Variants in SNTB1 observed in about 807,000 individuals in gnomAD.
SNTB1 encodes syntrophin beta 1.
A neutral mutation model predicts 48.9 loss-of-function variants in SNTB1; 36 were observed. The observed-to-expected ratio is 0.74, with a 90% confidence interval of 0.56 to 0.97. The LOEUF (loss-of-function observed/expected upper bound fraction) is 0.97, where lower values mean the gene tolerates loss of function less well. Among genes scored for constraint, SNTB1 ranks in the 50% least tolerant of loss-of-function variants. SNTB1 has a pLI of 0.00. For synonymous variants in SNTB1, 299 were observed against 294.6 expected (o/e 1.01, Z -0.15); for missense variants, 786 against 703.4 (o/e 1.12, Z -1.33).
intron 1 of SNTB1, among the ~76,000 whole-genome samples, chr8:120,763,341 T>C (rs1266580402): frequency 6.6e-6 from 1 of 152,144 alleles, no homozygotes; most frequent in Non-Finnish European, 1.5e-5. Context: ...TGAAGAAAAC[T>C]ACAACAAGGG....
At chr8:120,678,093 A>G (rs1265536035) in intron 2 of SNTB1, among the ~76,000 whole-genome samples, 1 of 152,200 alleles carries the variant, frequency 6.6e-6, no homozygotes, top group East Asian at 1.9e-4. Context: ...TGAAAAAAAC[A>G]CCACATTATA....
At chr8:120,550,398 C>T (rs1424977788) in intron 4 of SNTB1, among the ~76,000 whole-genome samples, 1 of 152,012 alleles carries the variant, frequency 6.6e-6, no homozygotes, top group Non-Finnish European at 1.5e-5. Context: ...AAAAATTAGC[C>T]TGGCATGGTG....
chr8:120,690,892 C>A (rs1042127138), intron 2 of SNTB1, among the ~76,000 whole-genome samples: 1 of 152,186 alleles, frequency 6.6e-6, no homozygotes, highest in Admixed American at 6.5e-5. Flanking sequence ...CAGTTTGGGA[C>A]CTGTCTGGAC....
intron 3 of SNTB1, among the ~76,000 whole-genome samples, chr8:120,591,449 G>A (rs1167258818): frequency 6.6e-6 from 1 of 152,094 alleles, no homozygotes; most frequent in East Asian, 1.9e-4. Flanking sequence ...ATTTGTCAGA[G>A]ATGCATAGCG....
chr8:120,627,309 G>A (rs1395544488), intron 3 of SNTB1, among the ~76,000 whole-genome samples: 3 of 152,136 alleles, frequency 2.0e-5, no homozygotes, highest in African/African-American at 7.2e-5. Flanking sequence ...AATGATAACT[G>A]AAATTCATGG....
chr8:120,592,097 A>T (rs1248446327), intron 3 of SNTB1, among the ~76,000 whole-genome samples: 1 of 152,240 alleles, frequency 6.6e-6, no homozygotes, highest in Non-Finnish European at 1.5e-5. Context: ...ATTTCATTTT[A>T]TTAAAAAGTA....
chr8:120,765,573 T>C (rs1158382897), intron 1 of SNTB1, among the ~76,000 whole-genome samples: 1 of 152,092 alleles, frequency 6.6e-6, no homozygotes, highest in Non-Finnish European at 1.5e-5. Flanking sequence ...CATCATCCTA[T>C]GGTGGGAGGC....
At chr8:120,705,166 A>G (rs1221648525) in intron 1 of SNTB1, among the ~76,000 whole-genome samples, 1 of 152,222 alleles carries the variant, frequency 6.6e-6, no homozygotes, top group African/African-American at 2.4e-5. Flanking sequence ...TTAGCACAAA[A>G]GAGTGACGTG....
intron 1 of SNTB1, among the ~76,000 whole-genome samples, chr8:120,735,735 T>C (rs28394482): frequency 0.31 from 47,218 of 151,964 alleles, 8,925 homozygotes; most frequent in East Asian, 0.69. Flanking sequence ...GGCCAAGCCA[T>C]ACAGACTGTG....
intron 3 of SNTB1, among the ~76,000 whole-genome samples, chr8:120,589,204 T>C (rs1053409116): frequency 6.6e-6 from 1 of 152,212 alleles, no homozygotes; most frequent in African/African-American, 2.4e-5. Context: ...TACTGGATTA[T>C]AGCCCTTTAT....
chr8:120,619,835 C>T (rs151155387), intron 3 of SNTB1, among the ~76,000 whole-genome samples: 1 of 152,284 alleles, frequency 6.6e-6, no homozygotes, highest in Non-Finnish European at 1.5e-5. Context: ...CAGCATGGCT[C>T]TGCTGTCCTA....
chr8:120,581,381 A>T (rs1816046817), intron 3 of SNTB1, among the ~76,000 whole-genome samples: 5 of 152,082 alleles, frequency 3.3e-5, no homozygotes, highest in Admixed American at 3.3e-4. Context: ...AGGTGGGCAG[A>T]TCCCCTGTGG....
At chr8:120,543,635 G>C (rs879338697) in intron 5 of SNTB1, among the ~76,000 whole-genome samples, 1 of 152,102 alleles carries the variant, frequency 6.6e-6, no homozygotes, top group Non-Finnish European at 1.5e-5. Context: ...GCACAGAGTC[G>C]CTCAGCTTTC....
chr8:120,798,671 C>T (rs1820163291), intron 1 of SNTB1, among the ~76,000 whole-genome samples: 1 of 151,990 alleles, frequency 6.6e-6, no homozygotes, highest in Admixed American at 6.6e-5. Flanking sequence ...CCATGCATTC[C>T]AAGAAGTTTT....
chr8:120,673,312 A>G (rs1456200210), intron 2 of SNTB1, among the ~76,000 whole-genome samples: 2 of 145,860 alleles, frequency 1.4e-5, no homozygotes, highest in Non-Finnish European at 3.0e-5. Flanking sequence ...TTTTTTTGAG[A>G]CCAAATCTCA....
chr8:120,611,822 G>GAAAAA (rs397892337), intron 3 of SNTB1, among the ~76,000 whole-genome samples: 1 of 58,450 alleles, frequency 1.7e-5, no homozygotes, highest in Non-Finnish European at 3.1e-5. Flanking sequence ...ACTCTGTCTC[G>GAAAAA]AAAAAAAAAA....
chr8:120,792,724 C>T (rs1820058049), intron 1 of SNTB1, among the ~76,000 whole-genome samples: 1 of 151,842 alleles, frequency 6.6e-6, no homozygotes, highest in African/African-American at 2.4e-5. Flanking sequence ...GATGGTATTT[C>T]AAAGGTTTGG....
intron 1 of SNTB1, among the ~76,000 whole-genome samples, chr8:120,740,297 C>A (rs565876287): frequency 3.3e-5 from 5 of 152,200 alleles, no homozygotes; most frequent in Non-Finnish European, 7.3e-5. Context: ...GGTTCAGATC[C>A]TCCATCACCT....
At chr8:120,720,801 G>T (rs969826418) in intron 1 of SNTB1, among the ~76,000 whole-genome samples, 10 of 152,214 alleles carry the variant, frequency 6.6e-5, no homozygotes, top group Non-Finnish European at 1.3e-4. Flanking sequence ...AGTCAGGAGT[G>T]AGTGGGAGAC....
Sources: allele counts gnomAD v4.1 joint callset (sites outside exome capture counted in the v4.1 genomes callset), GRCh38; gene constraint gnomAD v4.1.1; transcripts MANE v1.5; gene names NCBI Gene and HGNC (gene_info 2026-07-23, HGNC 2026-07-21).